The following RBM6 variants were observed in gnomAD, a reference collection of about 807,000 sequenced individuals.
RBM6 encodes RNA binding motif protein 6.
A neutral mutation model predicts 140.4 loss-of-function variants in RBM6; 23 were observed. The ratio of observed to expected loss-of-function variants is 0.16; its 90% confidence interval spans 0.12 to 0.23. The LOEUF is 0.23. RBM6 is among the 10% of genes least tolerant of loss of function. The probability of loss-of-function intolerance (pLI) is 1.00; values close to 1 mark genes in which losing one functional copy is unlikely to be tolerated. For missense variants in RBM6, 1,139 were observed against 1,386.7 expected (o/e 0.82, Z 2.84); for synonymous variants, 439 against 475.6 (o/e 0.92, Z 1.00).
chr3:50,005,495 CAAAAA>C (rs35202304), intron 6 of RBM6, among the ~76,000 whole-genome samples: 1 of 101,374 alleles, frequency 9.9e-6, no homozygotes, highest in Non-Finnish European at 2.0e-5. Flanking sequence ...GATCCTGCCT[CAAAAA>C]AAAAAAAAAA....
chr3:50,040,790 A>G (rs2088873853), intron 6 of RBM6, among the ~76,000 whole-genome samples: 1 of 151,798 alleles, frequency 6.6e-6, no homozygotes, highest in Non-Finnish European at 1.5e-5. Context: ...TGGAGTAGTT[A>G]GGATAACAGG....
intron 1 of RBM6, among the ~76,000 whole-genome samples, chr3:49,959,857 C>T (rs2084204427): frequency 1.3e-5 from 2 of 152,168 alleles, no homozygotes; most frequent in African/African-American, 4.8e-5. Flanking sequence ...CAGACATGAG[C>T]CCCCACGCCC....
chr3:49,993,128 C>A (rs1324379982), intron 5 of RBM6, among the ~76,000 whole-genome samples: 3 of 152,130 alleles, frequency 2.0e-5, no homozygotes, highest in Non-Finnish European at 2.9e-5. Context: ...AGACGTTGCT[C>A]TTCATTGTGC....
At chr3:50,059,567 A>G (rs1201007986) in intron 10 of RBM6, 82 bp from the exon 11 acceptor site, 38 of 1,130,640 alleles carry the variant, frequency 3.4e-5, no homozygotes, top group Non-Finnish European at 4.6e-5. Context: ...ATCCACGTTC[A>G]CTTCTCTTTC....
At chr3:49,989,346 G>C (rs1040785687) in intron 5 of RBM6, among the ~76,000 whole-genome samples, 6 of 151,942 alleles carry the variant, frequency 3.9e-5, no homozygotes, top group Non-Finnish European at 5.9e-5. Context: ...AGGCCGAGGC[G>C]GGTGGATCAC....
intron 5 of RBM6, 59 bp downstream of exon 5, chr3:49,975,451 C>A: frequency 2.2e-6 from 3 of 1,347,064 alleles, no homozygotes; most frequent in Non-Finnish European, 3.1e-6. Flanking sequence ...CAGATCTCTG[C>A]ATCATGTGCT....
At chr3:50,061,437 T>C (rs750604438) in intron 13 of RBM6, 25 bp from the exon 14 acceptor site, 1 of 1,587,920 alleles carries the variant, frequency 6.3e-7, no homozygotes, top group East Asian at 2.2e-5. Context: ...GAGACTAACA[T>C]TGGCTCTGAT....
chr3:50,077,134 G>A lies in RBM6; in HGVS notation c.*1G>A. The A allele has an allele frequency of 6.2e-7, 1 of 1,608,616 alleles. No homozygotes were observed. Among genetic ancestry groups the A allele is most frequent in the East Asian group, 2.3e-5 (1 of 44,322 alleles). On this transcript the variant is annotated 3_prime_UTR_variant, in exon 21 of 21. Transcript: ENST00000266022. ...TGCTCGATATAAAGAACTCGATTAA[G>A]AAAGGAGACAAGTTCCATGGGATAC... is the stretch of plus-strand genomic sequence containing the variant.
At chr3:50,006,252 T>A (rs1470433897) in intron 6 of RBM6, among the ~76,000 whole-genome samples, 1 of 151,748 alleles carries the variant, frequency 6.6e-6, no homozygotes, top group East Asian at 1.9e-4. Flanking sequence ...TCTCCTGCCT[T>A]AGCCTCCCGA....
chr3:50,074,291 G>A (rs1161626943), intron 19 of RBM6, among the ~76,000 whole-genome samples: 1 of 151,608 alleles, frequency 6.6e-6, no homozygotes, highest in Admixed American at 6.6e-5. Flanking sequence ...TTTTGGTGAT[G>A]CCCCTTCAGA....
chr3:49,945,305 G>A (rs1475168937), intron 1 of RBM6, among the ~76,000 whole-genome samples: 1 of 151,042 alleles, frequency 6.6e-6, no homozygotes, highest in Admixed American at 6.7e-5. Context: ...ACCCTCTTAA[G>A]TAGCTGAGAC....
At chr3:50,031,341 A>G (rs2088144257) in intron 6 of RBM6, among the ~76,000 whole-genome samples, 1 of 152,254 alleles carries the variant, frequency 6.6e-6, no homozygotes, top group South Asian at 2.1e-4. Flanking sequence ...CCAAATGTCC[A>G]TCAATGATAG....
rs535128571 is a variant in RBM6, at chr3:49,975,276, G to A, written c.1414-47G>A. Reference sequence around the variant, plus strand: ...TGTTAGGGAAAATCTGATATTCAGTGTTTGATTATGATTTGTATCATTTGT... The same window carrying A: ...TGTTAGGGAAAATCTGATATTCAGTATTTGATTATGATTTGTATCATTTGT... On this transcript the variant is annotated intron_variant, in intron 4 of 20. Transcript: ENST00000266022. 30 of 1,421,832 alleles carry A rather than the reference G, an allele frequency of 2.1e-5. 1 individual carries two copies. The South Asian group carries it at 2.8e-4, about 13-fold the overall frequency. 88.1% of individuals were successfully genotyped at this position (1,421,832 alleles called of 1,614,324 possible).
intron 4 of RBM6, among the ~76,000 whole-genome samples, chr3:49,974,975 C>T (rs1286907589): frequency 6.6e-6 from 1 of 151,880 alleles, no homozygotes; most frequent in African/African-American, 2.4e-5. Flanking sequence ...GTGTGAGCCA[C>T]CACGCCCGGT....
intron 7 of RBM6, among the ~76,000 whole-genome samples, chr3:50,051,823 A>G (rs1374412106): frequency 6.6e-6 from 1 of 152,190 alleles, no homozygotes; most frequent in Non-Finnish European, 1.5e-5. Flanking sequence ...CTATTTGACA[A>G]TGAAAAGGAA....
intron 7 of RBM6, among the ~76,000 whole-genome samples, chr3:50,049,561 T>A (rs962416147): frequency 5.3e-5 from 8 of 152,030 alleles, no homozygotes; most frequent in African/African-American, 1.7e-4. Context: ...CTTGAAAAAA[T>A]TTAGTAAAGA....
chr3:50,070,551 A>G lies in RBM6; in HGVS notation c.3115A>G (p.Ser1039Gly), dbSNP rs761899544. The part of the protein sequence containing the change: ...KRIKYSRETD[S>G]DRKLVDKEDI... ...GATTAAGTACTCCAGGGAAACTGAC[A>G]GGTAAGCCAGGAACTCTTCATTCAG... The change falls in exon 19 of 21, where the codon AGT becomes GGT. Residue 1039 changes from serine (S) to glycine (G), a missense_variant and splice_region_variant. Ser to Gly is a moderately conservative substitution (Grantham distance 56). Transcript: ENST00000266022. The G allele has an allele frequency of 8.7e-6, 14 of 1,609,034 alleles. No homozygotes were observed.
At chr3:49,966,073 C>T (rs937784409) in intron 2 of RBM6, among the ~76,000 whole-genome samples, 1 of 152,138 alleles carries the variant, frequency 6.6e-6, no homozygotes, top group African/African-American at 2.4e-5. Flanking sequence ...CTGCAGTGAA[C>T]CGAGATCATG....
At chr3:50,071,277 C>A (rs183893384) in intron 19 of RBM6, among the ~76,000 whole-genome samples, 3 of 152,220 alleles carry the variant, frequency 2.0e-5, no homozygotes, top group Admixed American at 2.0e-4. Context: ...AGTAGATAAG[C>A]CTGGTCCAAA....
Sources: gnomAD v4.1 joint callset for allele counts (sites outside exome capture counted in the v4.1 genomes callset) on GRCh38, gnomAD v4.1.1 for gene constraint, MANE v1.5 for transcripts, NCBI Gene and HGNC (gene_info 2026-07-23, HGNC 2026-07-21) for gene names.